Variants in ADAMTS17 observed in about 807,000 individuals in gnomAD.
The protein encoded by ADAMTS17 is A disintegrin and metalloproteinase with thrombospondin motifs 17.
ADAMTS17 carries 113 observed loss-of-function variants against 141.5 expected under a neutral mutation model. The ratio of observed to expected loss-of-function variants is 0.80; its 90% CI spans 0.69 to 0.93. The LOEUF (loss-of-function observed/expected upper bound fraction) is 0.93, where lower values mean the gene tolerates loss of function less well. Ranked by LOEUF, ADAMTS17 falls within the 40% of genes least tolerant of loss-of-function variation. The pLI, the probability that ADAMTS17 is intolerant of heterozygous loss-of-function variation, is 0.00. For synonymous variants in ADAMTS17, 768 were observed against 630.6 expected, an observed-to-expected ratio of 1.22 and a Z score of -3.27; for missense variants, 1,659 against 1,517.9, an observed-to-expected ratio of 1.09 and a Z score of -1.54.
intron 13 of ADAMTS17, among the ~76,000 whole-genome samples, chr15:100,115,891 CTG>C (rs1264947666): frequency 1.3e-5 from 2 of 152,166 alleles, no homozygotes; most frequent in Non-Finnish European, 2.9e-5. Context: ...TGCTTATTTT[CTG>C]TGAGTCAACT....
chr15:100,257,751 T>C (rs2043375134), intron 6 of ADAMTS17, among the ~76,000 whole-genome samples: 1 of 152,250 alleles, frequency 6.6e-6, no homozygotes, highest in African/African-American at 2.4e-5. Flanking sequence ...ATTTTTTTAT[T>C]GTGCTAATAC....
At chr15:100,151,654 C>A (rs1567262309) in intron 10 of ADAMTS17, among the ~76,000 whole-genome samples, 1 of 152,306 alleles carries the variant, frequency 6.6e-6, no homozygotes, top group East Asian at 1.9e-4. Context: ...GGCTGGTTCC[C>A]CTACTTCTGC....
intron 3 of ADAMTS17, among the ~76,000 whole-genome samples, chr15:100,299,824 C>T (rs575313936): frequency 1.3e-5 from 2 of 152,236 alleles, no homozygotes; most frequent in Middle Eastern, 6.8e-3. Flanking sequence ...CACAAAGCCA[C>T]CTCTCCCCCA....
At chr15:100,224,262 G>A (rs2042230988) in intron 7 of ADAMTS17, among the ~76,000 whole-genome samples, 1 of 152,166 alleles carries the variant, frequency 6.6e-6, no homozygotes, top group Non-Finnish European at 1.5e-5. Flanking sequence ...TGTACTTGGC[G>A]ATTACAGAGC....
chr15:100,084,718 T>C (rs1384608715), intron 15 of ADAMTS17, among the ~76,000 whole-genome samples: 1 of 152,190 alleles, frequency 6.6e-6, no homozygotes, highest in Non-Finnish European at 1.5e-5. Context: ...CTGCTCCTGA[T>C]ACCCAGGCAA....
intron 3 of ADAMTS17, among the ~76,000 whole-genome samples, chr15:100,295,039 A>C (rs1430372075): frequency 6.6e-6 from 1 of 152,078 alleles, no homozygotes; most frequent in Non-Finnish European, 1.5e-5. Flanking sequence ...AGGACACCAA[A>C]GTCACCACAA....
At chr15:100,257,322 G>T (rs1297640953) in intron 6 of ADAMTS17, among the ~76,000 whole-genome samples, 1 of 152,124 alleles carries the variant, frequency 6.6e-6, no homozygotes, top group Admixed American at 6.5e-5. Flanking sequence ...ATTATACAAG[G>T]CTTCCTGGCC....
intron 10 of ADAMTS17, among the ~76,000 whole-genome samples, chr15:100,144,550 GAAAA>G (rs966937290): frequency 6.9e-6 from 1 of 144,794 alleles, no homozygotes; most frequent in African/African-American, 2.5e-5. Context: ...ACTCCATCTC[GAAAA>G]AAAAAAAATC....
At chr15:100,219,759 A>G (rs2141775107) in intron 7 of ADAMTS17, among the ~76,000 whole-genome samples, 1 of 152,354 alleles carries the variant, frequency 6.6e-6, no homozygotes, top group Non-Finnish European at 1.5e-5. Flanking sequence ...AGGCCCCTTC[A>G]TCTGACCTGG....
intron 18 of ADAMTS17, among the ~76,000 whole-genome samples, chr15:100,009,965 C>T (rs899013283): frequency 6.6e-6 from 1 of 152,148 alleles, no homozygotes; most frequent in Admixed American, 6.5e-5. Flanking sequence ...CTATAATTCC[C>T]ATGTGTCGTG....
chr15:100,159,849 A>G (rs186144421), intron 8 of ADAMTS17, among the ~76,000 whole-genome samples: 145 of 152,346 alleles, frequency 9.5e-4, no homozygotes, highest in Non-Finnish European at 1.5e-3. Flanking sequence ...CATTGTATCA[A>G]CGATGTGAAA....
rs528862622 is a variant in ADAMTS17 at position 100,340,819 on chromosome 15, G to A, written c.450+220C>T. ...CTCCGCGCGGGTTCCACGGGCTGCA[G>A]AGGCGCTGGACTGGGATGCTGCCCC... On this transcript the variant is annotated intron_variant, in intron 2 of 21. Coordinates refer to ENST00000268070, the MANE Select transcript of ADAMTS17 (RefSeq NM_139057.4). 3.9e-5 allele frequency among the ~76,000 whole-genome samples: 6 copies of A among 152,320 alleles called. No individual in the cohort carries two copies. The South Asian group carries it at 1.0e-3, about 26-fold the overall frequency.
intron 13 of ADAMTS17, among the ~76,000 whole-genome samples, chr15:100,109,793 G>A (rs942400123): frequency 4.6e-5 from 7 of 152,006 alleles, no homozygotes; most frequent in African/African-American, 9.7e-5. Context: ...GCCTTTGCCC[G>A]GTGTGCGCTC....
intron 7 of ADAMTS17, among the ~76,000 whole-genome samples, chr15:100,234,119 G>C (rs76226970): frequency 0.02 from 3,113 of 152,262 alleles, 98 homozygotes; most frequent in African/African-American, 0.067. Context: ...TGGACCGTGG[G>C]AGGAATGGCC....
In ADAMTS17 at chr15:99,971,882, G is replaced by GA. The variant is rs1454217172; in HGVS notation, c.*2519dup. On this transcript the variant is annotated 3_prime_UTR_variant, in exon 22 of 22. Coordinates refer to ENST00000268070, the MANE Select transcript of ADAMTS17 (RefSeq NM_139057.4). ...TCACTGCTGTGATCAGCATCTAGTG[G>GA]AACAAGAATGTTTATGATGGTTTCA... The GA allele has an allele frequency of 6.6e-6, 1 of 152,226 alleles. No homozygotes were observed. Among genetic ancestry groups the GA allele is most frequent in the Non-Finnish European group, 1.5e-5 (1 of 68,066 alleles). 9.4% of individuals were successfully genotyped at this position (152,226 alleles called of 1,614,324 possible).
At position 99,971,768 on chromosome 15, in the gene ADAMTS17, A is replaced by G. The variant is rs370664837; in HGVS notation, c.*2634T>C. On this transcript the variant is annotated 3_prime_UTR_variant, in exon 22 of 22. Transcript: ENST00000268070. ...ATAAAAATAGCACCGTAGGGTCGTG[A>G]GACTCTGGTAACACGTGCGTTAGTG... The G allele has an allele frequency of 2.0e-4, 30 of 152,346 alleles. 1 individual carries two copies. The highest frequency in any genetic ancestry group is 6.5e-4 in the African/African-American group (27 of 41,576). The allele number at this position is 152,346 out of a possible 1,614,324, so 9.4% of individuals were successfully genotyped here. A position where few individuals can be genotyped will look rare whatever the true frequency, so the allele number is the denominator to read the frequency against.
At chr15:100,292,286 G>GAGAGACACTCAGCCCGTGTGAAACTACA (rs369922277) in intron 3 of ADAMTS17, among the ~76,000 whole-genome samples, 1,530 of 150,406 alleles carry the variant, frequency 0.01, 31 homozygotes, top group African/African-American at 0.036. Context: ...GAGAATCTAC[G>GAGAGACACTCAGCCCGTGTGAAACTACA]AGAGACACTC....
intron 8 of ADAMTS17, among the ~76,000 whole-genome samples, chr15:100,187,643 C>T (rs938744863): frequency 9.9e-5 from 15 of 152,148 alleles, no homozygotes; most frequent in African/African-American, 3.4e-4. Flanking sequence ...AATGTGGAAA[C>T]AGAAAATGAT....
At chr15:100,281,082 A>T in intron 4 of ADAMTS17, 147 bp downstream of exon 4, 1 of 1,192,874 alleles carries the variant, frequency 8.4e-7, no homozygotes. Flanking sequence ...TGCCCTCCTC[A>T]ATGCCCAGAA....
Sources: allele counts gnomAD v4.1 joint callset (sites outside exome capture counted in the v4.1 genomes callset), GRCh38; gene constraint gnomAD v4.1.1; transcripts MANE v1.5; gene names NCBI Gene and HGNC (gene_info 2026-07-23, HGNC 2026-07-21).